The following FOXP1 variants were observed in gnomAD, a reference collection of about 807,000 sequenced individuals.
The protein encoded by FOXP1 is forkhead box protein P1.
A neutral mutation model predicts 98.2 loss-of-function variants in FOXP1; 15 were observed. The ratio of observed to expected loss-of-function variants is 0.15; its 90% CI spans 0.10 to 0.24. The LOEUF is 0.24. FOXP1 is among the 10% of genes least tolerant of loss of function. FOXP1 has a pLI of 1.00. For missense variants in FOXP1, 633 were observed against 848.5 expected (o/e 0.75, Z 3.15); for synonymous variants, 371 against 314.5 (o/e 1.18, Z -1.90).
At chr3:71,422,507 C>G (rs567810697) in intron 3 of FOXP1, among the ~76,000 whole-genome samples, 1 of 152,350 alleles carries the variant, frequency 6.6e-6, no homozygotes, top group Admixed American at 6.5e-5. Flanking sequence ...CCCTCCCCCA[C>G]GTCCTCACCT....
chr3:71,301,983 C>T (rs2073883529), intron 4 of FOXP1, among the ~76,000 whole-genome samples: 1 of 152,054 alleles, frequency 6.6e-6, no homozygotes, highest in Admixed American at 6.6e-5. Context: ...AATACTAAAA[C>T]AATACGAAAC....
intron 6 of FOXP1, among the ~76,000 whole-genome samples, chr3:71,188,643 C>T (rs1318189952): frequency 2.0e-5 from 3 of 152,308 alleles, no homozygotes; most frequent in East Asian, 1.9e-4. Context: ...GTCTCGAACT[C>T]CTGACCTCAG....
intron 14 of FOXP1, among the ~76,000 whole-genome samples, chr3:70,980,731 A>C (rs1255860600): frequency 6.6e-6 from 1 of 152,218 alleles, no homozygotes; most frequent in Non-Finnish European, 1.5e-5. Flanking sequence ...GTAACTGAGC[A>C]AATATAAGGC....
chr3:71,115,050 T>C (rs1384434949), intron 6 of FOXP1, among the ~76,000 whole-genome samples: 1 of 152,158 alleles, frequency 6.6e-6, no homozygotes. Flanking sequence ...AAGGGAACTG[T>C]TATATATTTT....
chr3:71,009,928 T>G (rs1211175617), intron 12 of FOXP1, among the ~76,000 whole-genome samples: 1 of 151,414 alleles, frequency 6.6e-6, no homozygotes, highest in South Asian at 2.1e-4. Flanking sequence ...TTTTTTTTTT[T>G]TTTTTTTGGC....
chr3:71,291,128 G>A (rs1376111134), intron 5 of FOXP1, among the ~76,000 whole-genome samples: 4 of 151,956 alleles, frequency 2.6e-5, no homozygotes, highest in Admixed American at 6.6e-5. Flanking sequence ...TGTTTATCAC[G>A]CTTCGCTGGT....
chr3:71,558,352 C>T (rs1171093674), intron 2 of FOXP1, among the ~76,000 whole-genome samples: 2 of 152,162 alleles, frequency 1.3e-5, no homozygotes, highest in African/African-American at 4.8e-5. Context: ...GACTGGCTGT[C>T]GTGACTGGTT....
intron 2 of FOXP1, among the ~76,000 whole-genome samples, chr3:71,568,095 A>T (rs950899985): frequency 6.7e-6 from 1 of 149,632 alleles, no homozygotes; most frequent in African/African-American, 2.5e-5. Flanking sequence ...GAAATTAAAA[A>T]AAGAAAGAAA....
intron 2 of FOXP1, among the ~76,000 whole-genome samples, chr3:71,577,779 C>T (rs903489327): frequency 4.0e-5 from 6 of 151,590 alleles, no homozygotes; most frequent in African/African-American, 1.5e-4. Flanking sequence ...GGACTAACTA[C>T]CATCAACTTA....
At chr3:71,456,339 C>T (rs958814549) in intron 3 of FOXP1, among the ~76,000 whole-genome samples, 1 of 152,154 alleles carries the variant, frequency 6.6e-6, no homozygotes, top group Non-Finnish European at 1.5e-5. Flanking sequence ...GTTTCTGTTA[C>T]TTTCAATATT....
At chr3:71,522,156 A>T (rs997041010) in intron 2 of FOXP1, among the ~76,000 whole-genome samples, 3 of 152,226 alleles carry the variant, frequency 2.0e-5, no homozygotes, top group African/African-American at 7.2e-5. Flanking sequence ...CGAGAGAGAC[A>T]CTGGCACCAA....
At chr3:71,415,528 C>T (rs2083147409) in intron 3 of FOXP1, among the ~76,000 whole-genome samples, 1 of 152,128 alleles carries the variant, frequency 6.6e-6, no homozygotes, top group Admixed American at 6.5e-5. Flanking sequence ...TGGATTCCAA[C>T]TCCCTGGTTT....
chr3:71,370,744 G>C (rs2079238821), intron 3 of FOXP1, among the ~76,000 whole-genome samples: 1 of 151,646 alleles, frequency 6.6e-6, no homozygotes, highest in Non-Finnish European at 1.5e-5. Context: ...AAAATCACCT[G>C]GAGGTCTTGT....
chr3:70,974,072 G>C (rs1210729002), intron 17 of FOXP1, among the ~76,000 whole-genome samples: 1 of 152,032 alleles, frequency 6.6e-6, no homozygotes, highest in South Asian at 2.1e-4. Context: ...TGCTTGAAAG[G>C]AGAATTCACA....
At chr3:71,321,995 A>G (rs1475457509) in intron 4 of FOXP1, among the ~76,000 whole-genome samples, 1 of 152,184 alleles carries the variant, frequency 6.6e-6, no homozygotes, top group Non-Finnish European at 1.5e-5. Context: ...TCATCGGGAA[A>G]ATGGGGTAAT....
chr3:71,158,392 G>A (rs73123552), intron 6 of FOXP1, among the ~76,000 whole-genome samples: 9,995 of 125,524 alleles, frequency 0.08, 459 homozygotes, highest in Middle Eastern at 0.13. Flanking sequence ...TGCAGAAAGG[G>A]AAAGACAAGT....
chr3:71,369,190 C>T (rs1002032182), intron 3 of FOXP1, among the ~76,000 whole-genome samples: 1 of 151,974 alleles, frequency 6.6e-6, no homozygotes, highest in Admixed American at 6.5e-5. Flanking sequence ...GCGTTCGAGA[C>T]CAGCCTAGCC....
intron 19 of FOXP1, 176 bp from the exon 20 acceptor site, chr3:70,966,232 C>A: frequency 1.5e-6 from 1 of 662,498 alleles, no homozygotes; most frequent in East Asian, 2.8e-5. Context: ...TGGCACCTGT[C>A]CCAAGCTTGG....
chr3:71,032,228 C>T (rs1284949994), intron 11 of FOXP1, among the ~76,000 whole-genome samples: 1 of 152,228 alleles, frequency 6.6e-6, no homozygotes, highest in Admixed American at 6.5e-5. Context: ...CGACATGTGC[C>T]CGGGGGGATT....
Sources: allele counts gnomAD v4.1 joint callset (sites outside exome capture counted in the v4.1 genomes callset), GRCh38; gene constraint gnomAD v4.1.1; transcripts MANE v1.5; gene names NCBI Gene and HGNC (gene_info 2026-07-23, HGNC 2026-07-21).